Variants in UPF3B observed in about 807,000 individuals in gnomAD.
UPF3B encodes the protein regulator of nonsense transcripts 3B.
Under a neutral mutation model 40.3 loss-of-function variants are expected in UPF3B, and 7 were observed. That is an observed-to-expected ratio of 0.17 (90% CI 0.10 to 0.33). The LOEUF is 0.33. UPF3B is among the 10% of genes least tolerant of loss of function. UPF3B has a pLI of 1.00. For missense variants in UPF3B, 229 were observed against 358.9 expected, an observed-to-expected ratio of 0.64 and a Z score of 2.93; for synonymous variants, 117 against 117.3, an observed-to-expected ratio of 1.00 and a Z score of 0.01.
intron 4 of UPF3B, among the ~76,000 whole-genome samples, chrX:119,815,967 AG>A (rs1282946805): frequency 1.8e-5 from 2 of 111,201 alleles, no homozygotes; most frequent in African/African-American, 6.5e-5. Flanking sequence ...TTTTTAGTAG[AG>A]ACGGGGTTTC....
chrX:119,849,493 CAA>C (rs761205524), intron 3 of UPF3B, among the ~76,000 whole-genome samples: 1 of 46,350 alleles, frequency 2.2e-5, no homozygotes, highest in Non-Finnish European at 4.5e-5. Context: ...GACTCTGTCT[CAA>C]AAAAAAAAAG....
chrX:119,841,351 A>G (rs2056159180), intron 6 of UPF3B, 93 bp from the exon 7 acceptor site: 1 of 1,166,289 alleles, frequency 8.6e-7, no homozygotes, highest in Admixed American at 2.4e-5. Flanking sequence ...CAACTGAATA[A>G]TCTTTCCTTC....
intron 3 of UPF3B, among the ~76,000 whole-genome samples, chrX:119,846,506 A>G (rs76304265): frequency 1.5e-5 from 1 of 67,440 alleles, no homozygotes; most frequent in Non-Finnish European, 2.4e-5. Flanking sequence ...CGAGCCTGGT[A>G]AAAAAAAAAA....
At chrX:119,846,760 T>TA (rs2056239775) in intron 3 of UPF3B, among the ~76,000 whole-genome samples, 1 of 110,274 alleles carries the variant, frequency 9.1e-6, no homozygotes, top group African/African-American at 3.3e-5. Context: ...TTAAAAAAAG[T>TA]AAAAAATAGA....
At chrX:119,833,960 T>C (rs188951020), downstream of UPF3B, 138 of 698,052 alleles carry the variant, frequency 2.0e-4, 1 homozygote, top group African/African-American at 2.8e-3. Flanking sequence ...TGATGTCAGA[T>C]GTCAAAAATT....
At position 119,846,809 on chromosome X, in the gene UPF3B, C is replaced by T. The variant is rs2056240486; in HGVS notation, c.371-1513G>A. On this transcript the variant is annotated intron_variant, in intron 3 of 10. Transcript: ENST00000276201. ...GTCAAAATTAGAAACTTCTATGCAT[C>T]AAAAGACACAATCAACAGAGTGAAA... Among the ~76,000 whole-genome samples the T allele has an allele frequency of 1.8e-5, 2 of 111,543 alleles. 1 individual carries two copies. The highest frequency in any genetic ancestry group is 5.5e-4 in the East Asian group (2 of 3,619).
chrX:119,847,829 T>C (rs184106078), intron 3 of UPF3B, among the ~76,000 whole-genome samples: 2 of 111,232 alleles, frequency 1.8e-5, no homozygotes, highest in African/African-American at 6.5e-5. Context: ...TTTCTCGGTA[T>C]ATATCCAAAA....
rs1025756084 is a variant in UPF3B, at chrX:119,822,588, G to A, written c.494+354C>T. Reference sequence around the variant, plus strand: ...GAGACAAAACTTACTCTTCTGCTGCGTACTCCTCTCCTCTTTATTTTTTTT... The same window carrying A: ...GAGACAAAACTTACTCTTCTGCTGCATACTCCTCTCCTCTTTATTTTTTTT... On this transcript the variant is annotated intron_variant, in intron 4 of 6. Transcript: ENST00000636792. Among the ~76,000 whole-genome samples the A allele has an allele frequency of 3.6e-5, 4 of 111,624 alleles. 1 individual carries two copies. Among genetic ancestry groups the A allele is most frequent in the Non-Finnish European group, 7.5e-5 (4 of 53,109 alleles).
At chrX:119,806,252 A>G (rs1185876290) in intron 6 of UPF3B, among the ~76,000 whole-genome samples, 3 of 95,255 alleles carry the variant, frequency 3.1e-5, no homozygotes, top group Non-Finnish European at 6.3e-5. Flanking sequence ...CAAACACCGC[A>G]TATTCTCACT....
chrX:119,823,133 A>AAG, intron 3 of UPF3B: 3 of 401,669 alleles, frequency 7.5e-6, no homozygotes, highest in Non-Finnish European at 9.5e-6. Flanking sequence ...ATTAATATAT[A>AAG]CTAAAGCCCA....
intron 3 of UPF3B, among the ~76,000 whole-genome samples, chrX:119,847,089 G>A (rs376564735): frequency 8.9e-6 from 1 of 112,313 alleles, no homozygotes; most frequent in African/African-American, 3.2e-5. Flanking sequence ...ATCATCTCAC[G>A]CCTATTAGGA....
At chrX:119,824,764 CTTTTTTTT>C (rs11351287) in intron 3 of UPF3B, among the ~76,000 whole-genome samples, 1 of 65,646 alleles carries the variant, frequency 1.5e-5, no homozygotes, top group East Asian at 5.0e-4. Flanking sequence ...CCATTTCTTT[CTTTTTTTT>C]TTTTTTTTTT....
intron 5 of UPF3B, 61 bp downstream of exon 5, chrX:119,843,130 G>C: frequency 1.3e-6 from 1 of 761,675 alleles, no homozygotes; most frequent in East Asian, 3.2e-5. Context: ...AACTGATGGA[G>C]GTAGGAGACT....
chrX:119,839,031 C>T (rs1039041325), intron 8 of UPF3B, among the ~76,000 whole-genome samples: 1 of 111,811 alleles, frequency 8.9e-6, no homozygotes, highest in African/African-American at 3.3e-5. Flanking sequence ...TCTGCCTCGG[C>T]CTCCCACAGT....
chrX:119,809,085 G>A (rs1385023498), intron 5 of UPF3B, among the ~76,000 whole-genome samples: 1 of 111,781 alleles, frequency 8.9e-6, no homozygotes, highest in Non-Finnish European at 1.9e-5. Flanking sequence ...GTTTCGAATG[G>A]CTCGGGAGGC....
At chrX:119,819,953 T>C (rs1456392736) in intron 4 of UPF3B, among the ~76,000 whole-genome samples, 1 of 106,328 alleles carries the variant, frequency 9.4e-6, no homozygotes, top group Non-Finnish European at 1.9e-5. Flanking sequence ...CAAACGATTC[T>C]CTAGCCTCAG....
intron 3 of UPF3B, among the ~76,000 whole-genome samples, chrX:119,850,770 C>T (rs1039346659): frequency 2.1e-4 from 24 of 111,649 alleles, no homozygotes; most frequent in African/African-American, 7.5e-4. Context: ...GACAGAGTCT[C>T]GCTCTGTCGC....
chrX:119,810,360 A>G (rs144973142), intron 5 of UPF3B, among the ~76,000 whole-genome samples: 1 of 112,316 alleles, frequency 8.9e-6, no homozygotes, highest in Non-Finnish European at 1.9e-5. Context: ...CAACCAATAG[A>G]TCATGAAGCA....
At chrX:119,842,469 G>A (rs951561517) in intron 5 of UPF3B, among the ~76,000 whole-genome samples, 1 of 109,277 alleles carries the variant, frequency 9.2e-6, no homozygotes, top group South Asian at 3.9e-4. Context: ...TGTACTTCCA[G>A]CTACTCGGGA....
Sources: allele counts gnomAD v4.1 joint callset (sites outside exome capture counted in the v4.1 genomes callset), GRCh38; gene constraint gnomAD v4.1.1; transcripts MANE v1.5; gene names NCBI Gene and HGNC (gene_info 2026-07-23, HGNC 2026-07-21).